Variants in C10orf90 observed in about 807,000 individuals in gnomAD.
The protein encoded by C10orf90 is chromosome 10 open reading frame 90, also known as (E2-independent) E3 ubiquitin-conjugating enzyme FATS.
A neutral mutation model predicts 62.5 loss-of-function variants in C10orf90; 56 were observed. The ratio of observed to expected loss-of-function variants is 0.90; its 90% CI spans 0.72 to 1.12. The LOEUF (loss-of-function observed/expected upper bound fraction) is 1.12. Among genes scored for constraint, C10orf90 ranks in the 50% most tolerant of loss-of-function variants. The pLI, the probability that C10orf90 is intolerant of heterozygous loss-of-function variation, is 0.00. For synonymous variants in C10orf90, 386 were observed against 340.4 expected, an observed-to-expected ratio of 1.13 and a Z score of -1.47; for missense variants, 970 against 880.4, an observed-to-expected ratio of 1.10 and a Z score of -1.29.
intron 2 of C10orf90, among the ~76,000 whole-genome samples, chr10:126,538,137 G>A (rs770814581): frequency 2.0e-4 from 31 of 152,210 alleles, no homozygotes; most frequent in Admixed American, 1.5e-3. Flanking sequence ...ATGGTGGAAG[G>A]CAAAAAAGGA....
chr10:126,564,669 G>A (rs1326542621), intron 2 of C10orf90, among the ~76,000 whole-genome samples: 2 of 146,906 alleles, frequency 1.4e-5, no homozygotes, highest in South Asian at 2.2e-4. Context: ...CCAGACACAC[G>A]ACTGGCTTTG....
Position 126,449,230 on chromosome 10 carries a change from C to T in C10orf90, c.2188+9810G>A, listed in dbSNP as rs372709363. 1.0e-3 allele frequency among the ~76,000 whole-genome samples: 159 copies of T among 152,148 alleles called. 3 individuals carry two copies. The South Asian group carries it at 0.018, about 18-fold the overall frequency. On this transcript the variant is annotated intron_variant, in intron 7 of 9. Transcript: ENST00000488181. ...TATGCCTGGGATGCAATGATGGTTC[C>T]GTATCAAAAATCAATAAATGTGCTT...
chr10:126,576,674 T>G (rs1174082176), intron 2 of C10orf90, among the ~76,000 whole-genome samples: 3,510 of 42,634 alleles, frequency 0.082, 967 homozygotes, highest in Middle Eastern at 0.2. Context: ...CATATATATG[T>G]ATACATATAC....
intron 2 of C10orf90, among the ~76,000 whole-genome samples, chr10:126,606,718 G>A (rs1048456209): frequency 6.6e-6 from 1 of 152,152 alleles, no homozygotes; most frequent in African/African-American, 2.4e-5. Context: ...ACTACGACTG[G>A]TTTGGCTCCT....
chr10:126,454,513 G>A (rs546410006), intron 7 of C10orf90, among the ~76,000 whole-genome samples: 2 of 151,308 alleles, frequency 1.3e-5, no homozygotes, highest in Admixed American at 6.6e-5. Context: ...GGCTGACCCC[G>A]TACTGCCTAT....
intron 2 of C10orf90, among the ~76,000 whole-genome samples, chr10:126,550,962 G>A (rs182250402): frequency 3.3e-5 from 5 of 152,282 alleles, no homozygotes; most frequent in African/African-American, 1.2e-4. Flanking sequence ...AGGATAACAG[G>A]GTGAGGACAG....
At chr10:126,497,566 T>C (rs1862130817) in intron 4 of C10orf90, among the ~76,000 whole-genome samples, 1 of 152,082 alleles carries the variant, frequency 6.6e-6, no homozygotes, top group Non-Finnish European at 1.5e-5. Flanking sequence ...AGAGCAGAAT[T>C]CACAAGATGA....
chr10:126,443,761 G>T (rs551898031), intron 7 of C10orf90, among the ~76,000 whole-genome samples: 1 of 152,058 alleles, frequency 6.6e-6, no homozygotes, highest in South Asian at 2.1e-4. Flanking sequence ...GAATACAGAT[G>T]CTAAAATTAT....
At chr10:126,521,289 T>G (rs1224984345) in intron 2 of C10orf90, 7 of 1,613,890 alleles carry the variant, frequency 4.3e-6, no homozygotes, top group African/African-American at 2.7e-5. Flanking sequence ...GGAAAAAAAT[T>G]AGAACATACC....
chr10:126,589,296 C>T (rs1055025439), intron 2 of C10orf90, among the ~76,000 whole-genome samples: 3 of 152,144 alleles, frequency 2.0e-5, no homozygotes, highest in Non-Finnish European at 2.9e-5. Context: ...AGGATATCAT[C>T]CAGGAGAACT....
chr10:126,477,322 AAAAG>A (rs1162271761), intron 4 of C10orf90, among the ~76,000 whole-genome samples: 4 of 151,668 alleles, frequency 2.6e-5, no homozygotes, highest in South Asian at 2.1e-4. Flanking sequence ...TGAAAAAAAA[AAAAG>A]ATAGTTGATT....
At chr10:126,646,886 G>A (rs559901235) in intron 1 of C10orf90, among the ~76,000 whole-genome samples, 11 of 152,158 alleles carry the variant, frequency 7.2e-5, no homozygotes, top group Non-Finnish European at 1.6e-4. Flanking sequence ...AAGGAAACTA[G>A]AAAAATTCAG....
intron 2 of C10orf90, among the ~76,000 whole-genome samples, chr10:126,591,267 C>A (rs1479347308): frequency 6.6e-6 from 1 of 152,182 alleles, no homozygotes; most frequent in Non-Finnish European, 1.5e-5. Flanking sequence ...AGGCCAATAT[C>A]CCTGATGAAC....
rs1859555856 is a variant in C10orf90, at chr10:126,456,110, T to G, written c.2188+2930A>C. On this transcript the variant is annotated intron_variant, in intron 7 of 9. Transcript: ENST00000488181. This position sits in a 1 kb window ranked among gnomAD's most constrained non-coding sequence, Gnocchi z 4.9. ...TCGTTCACGCATATGATTTATGAAC[T>G]AATTTAGCAAGTAAGAAAAACATCT... Among the ~76,000 whole-genome samples the G allele has an allele frequency of 6.6e-6, 1 of 152,246 alleles. No homozygotes were observed. The highest frequency in any genetic ancestry group is 2.4e-5 in the African/African-American group (1 of 41,460).
chr10:126,506,132 C>T (rs1040667853), intron 3 of C10orf90, among the ~76,000 whole-genome samples: 2 of 152,192 alleles, frequency 1.3e-5, no homozygotes, highest in Admixed American at 6.5e-5. Flanking sequence ...AGTTTTTGTC[C>T]AGTATTTTTA....
chr10:126,638,285 A>ATG (rs1845993205), intron 2 of C10orf90, among the ~76,000 whole-genome samples: 1 of 151,974 alleles, frequency 6.6e-6, no homozygotes, highest in Non-Finnish European at 1.5e-5. Context: ...TGAGCCAGGG[A>ATG]TGTGTGTGGG....
chr10:126,627,915 G>A (rs551061835), intron 2 of C10orf90, among the ~76,000 whole-genome samples: 27 of 152,194 alleles, frequency 1.8e-4, no homozygotes, highest in Non-Finnish European at 3.5e-4. Flanking sequence ...TTCATGTTAA[G>A]ATGAATAGTG....
intron 4 of C10orf90, among the ~76,000 whole-genome samples, chr10:126,482,991 C>A (rs762185684): frequency 6.6e-6 from 1 of 152,240 alleles, no homozygotes; most frequent in Non-Finnish European, 1.5e-5. Context: ...TAATACACAA[C>A]ACCCAGATAT....
In C10orf90 at chr10:126,612,127, C is replaced by A. The variant is rs1413923050; in HGVS notation, c.313+34438G>T. 4.6e-5 allele frequency among the ~76,000 whole-genome samples: 7 copies of A among 152,262 alleles called. No individual in the cohort carries two copies. In the South Asian group the frequency reaches 1.5e-3, roughly 32 times the overall value. ...CTTGAAGTCAGGAGTTTAAGACCAG[C>A]CTGACCAACATGGTGAAACCCTGTC... On this transcript the variant is annotated intron_variant, in intron 2 of 9. Coordinates refer to ENST00000488181, the MANE Select transcript of C10orf90 (RefSeq NM_001350921.2).
Sources: gnomAD v4.1 joint callset for allele counts (sites outside exome capture counted in the v4.1 genomes callset) on GRCh38, gnomAD v4.1.1 for gene constraint, Gnocchi (gnomAD v3.1) non-coding constraint, MANE v1.5 for transcripts, NCBI Gene and HGNC (gene_info 2026-07-23, HGNC 2026-07-21) for gene names.